Variants in ARMC9 observed in about 807,000 individuals in gnomAD.
ARMC9 encodes lisH domain-containing protein ARMC9.
Under a neutral mutation model 107.0 loss-of-function variants are expected in ARMC9, and 94 were observed. The ratio of observed to expected loss-of-function variants is 0.88; its 90% CI spans 0.74 to 1.04. The LOEUF (loss-of-function observed/expected upper bound fraction) is 1.04, where lower values mean the gene tolerates loss of function less well. ARMC9 is among the 50% of genes least tolerant of loss of function. The pLI is 0.00. For synonymous variants in ARMC9, 380 were observed against 396.9 expected, an observed-to-expected ratio of 0.96 and a Z score of 0.51; for missense variants, 942 against 1,030.1, an observed-to-expected ratio of 0.91 and a Z score of 1.17.
intron 3 of ARMC9, among the ~76,000 whole-genome samples, chr2:231,210,836 CATT>C (rs1477525152): frequency 6.6e-5 from 10 of 152,332 alleles, no homozygotes; most frequent in Admixed American, 3.3e-4. Flanking sequence ...AATGTGTTCA[CATT>C]GTTGTGAAAC....
chr2:231,337,286 ATATATTT>A (rs1242774048), intron 20 of ARMC9, among the ~76,000 whole-genome samples: 1 of 59,716 alleles, frequency 1.7e-5, no homozygotes, highest in African/African-American at 7.6e-5. Flanking sequence ...ATATATATAT[ATATATTT>A]TTTTTTTTTT....
rs750727367 is a variant in ARMC9 at position 231,256,663 on chromosome 2, A to G, written c.914+43A>G. The G allele has an allele frequency of 2.4e-4, 380 of 1,592,828 alleles. 1 individual carries two copies. The highest frequency in any genetic ancestry group is 4.0e-4 in the South Asian group (36 of 90,610). Reference sequence around the variant, plus strand: ...GGAATTTTTATTAAGGAGAACAGCAATGTGTAAAACGGGAATTCAAAGTGT... The same window carrying G: ...GGAATTTTTATTAAGGAGAACAGCAGTGTGTAAAACGGGAATTCAAAGTGT... On this transcript the variant is annotated intron_variant, in intron 10 of 24. Coordinates refer to ENST00000611582, the MANE Select transcript of ARMC9 (RefSeq NM_001352754.2).
intron 20 of ARMC9, among the ~76,000 whole-genome samples, chr2:231,342,914 G>A (rs2044603388): frequency 6.6e-6 from 1 of 151,718 alleles, no homozygotes; most frequent in African/African-American, 2.4e-5. Flanking sequence ...GTCAGGGCAG[G>A]GTTTTTTTGT....
chr2:231,248,324 CTGAT>C (rs903670808), intron 9 of ARMC9, among the ~76,000 whole-genome samples: 4 of 152,172 alleles, frequency 2.6e-5, no homozygotes, highest in African/African-American at 9.7e-5. Context: ...TCTTACCTTA[CTGAT>C]TATTTGTCAC....
intron 9 of ARMC9, among the ~76,000 whole-genome samples, chr2:231,245,959 A>G (rs780451865): frequency 6.6e-6 from 1 of 152,188 alleles, no homozygotes; most frequent in Non-Finnish European, 1.5e-5. Context: ...AGGAGTGGGT[A>G]GAAGGCAGGC....
intron 9 of ARMC9, among the ~76,000 whole-genome samples, chr2:231,250,502 C>T (rs2037198147): frequency 6.6e-6 from 1 of 152,162 alleles, no homozygotes; most frequent in East Asian, 1.9e-4. Flanking sequence ...GAAAATGCTG[C>T]CACTCACACT....
intron 19 of ARMC9, among the ~76,000 whole-genome samples, chr2:231,326,961 A>G (rs2043361697): frequency 6.6e-6 from 1 of 151,822 alleles, no homozygotes; most frequent in Admixed American, 6.5e-5. Flanking sequence ...TGTCACCAGG[A>G]GATGATGGCC....
In ARMC9 at chr2:231,362,994, G is replaced by C. The variant is rs1461340294; in HGVS notation, c.2261+2111G>C. On this transcript the variant is annotated intron_variant, in intron 23 of 24. Transcript: ENST00000611582. The surrounding 1 kb of genome is among the most constrained non-coding windows in gnomAD (Gnocchi z 4.7). The stretch of plus-strand genomic sequence containing the variant: ...TCACTGCCTCAGAGACAAGCGCAGT[G>C]TGCAGGGCACAGAGAGCGTGCAGGG... Among the ~76,000 whole-genome samples the C allele has an allele frequency of 6.6e-6, 1 of 152,212 alleles. No individual in the cohort carries two copies. The highest frequency in any genetic ancestry group is 1.5e-5 in the Non-Finnish European group (1 of 68,042).
chr2:231,258,461 C>G (rs183261155), intron 10 of ARMC9, among the ~76,000 whole-genome samples: 1 of 152,044 alleles, frequency 6.6e-6, no homozygotes. Context: ...GATTACAGGC[C>G]TGAGCCACCA....
intron 3 of ARMC9, among the ~76,000 whole-genome samples, chr2:231,212,458 G>A (rs1364499825): frequency 2.6e-5 from 4 of 152,218 alleles, no homozygotes; most frequent in African/African-American, 7.2e-5. Context: ...CATTTGACTT[G>A]TGGACTCTGC....
chr2:231,348,463 C>T (rs550046828), intron 21 of ARMC9, among the ~76,000 whole-genome samples: 55 of 152,282 alleles, frequency 3.6e-4, no homozygotes, highest in African/African-American at 1.3e-3. Flanking sequence ...TGTGGTAAGA[C>T]TGCAAATTAT....
At chr2:231,316,667 A>AAAAAAAAAAGAAAG (rs2042702100) in intron 19 of ARMC9, among the ~76,000 whole-genome samples, 1 of 151,670 alleles carries the variant, frequency 6.6e-6, no homozygotes, top group South Asian at 2.1e-4. Context: ...TCCATCTCAA[A>AAAAAAAAAAGAAAG]AAAAAAAAAG....
chr2:231,296,265 G>A lies in ARMC9; in HGVS notation c.1773+12G>A, dbSNP rs1574987948. The A allele has an allele frequency of 6.2e-7, 1 of 1,609,486 alleles. No homozygotes were observed. The highest frequency in any genetic ancestry group is 1.3e-5 in the African/African-American group (1 of 74,896). ...ATGAAGATGATGAAGTAAGTTGGAG[G>A]TTCTTGACACCACATAGAAAACCCA... is the stretch of plus-strand genomic sequence containing the variant. On this transcript the variant is annotated intron_variant, in intron 19 of 24. Transcript: ENST00000611582.
At chr2:231,254,628 G>A (rs1265092311) in intron 9 of ARMC9, among the ~76,000 whole-genome samples, 1 of 150,884 alleles carries the variant, frequency 6.6e-6, no homozygotes, top group Non-Finnish European at 1.5e-5. Flanking sequence ...AGACCAGTCT[G>A]GGCAATATAG....
chr2:231,226,327 C>T (rs994418496), intron 6 of ARMC9, among the ~76,000 whole-genome samples: 5 of 152,224 alleles, frequency 3.3e-5, no homozygotes, highest in Admixed American at 6.5e-5. Flanking sequence ...CAGTCTGGCT[C>T]CAGAGTCTGT....
chr2:231,258,185 C>CT (rs1258347978), intron 10 of ARMC9, among the ~76,000 whole-genome samples: 1 of 151,798 alleles, frequency 6.6e-6, no homozygotes, highest in African/African-American at 2.4e-5. Context: ...CTCTTTTTTT[C>CT]TTTTTTTTCT....
At chr2:231,328,759 TA>T in intron 19 of ARMC9, among the ~76,000 whole-genome samples, 1 of 70,050 alleles carries the variant, frequency 1.4e-5, no homozygotes, top group Non-Finnish European at 3.4e-5. Context: ...ATTCTTCCCA[TA>T]TATTGTTCTT....
intron 12 of ARMC9, among the ~76,000 whole-genome samples, chr2:231,268,271 C>A (rs12621280): frequency 6.6e-6 from 1 of 151,912 alleles, no homozygotes; most frequent in Admixed American, 6.6e-5. Context: ...TACTAGTTAG[C>A]CACATGTTCG....
At chr2:231,212,796 G>GGC (rs1224089694) in intron 3 of ARMC9, among the ~76,000 whole-genome samples, 1 of 152,208 alleles carries the variant, frequency 6.6e-6, no homozygotes, top group Non-Finnish European at 1.5e-5. Context: ...CTCACCCACA[G>GGC]GCGCTAACAC....
Sources: gnomAD v4.1 joint callset for allele counts (sites outside exome capture counted in the v4.1 genomes callset) on GRCh38, gnomAD v4.1.1 for gene constraint, Gnocchi (gnomAD v3.1) non-coding constraint, MANE v1.5 for transcripts, NCBI Gene and HGNC (gene_info 2026-07-23, HGNC 2026-07-21) for gene names.